LMBR1: variants seen among roughly 807,000 people sequenced by gnomAD.
The protein encoded by LMBR1 is limb development membrane protein 1, also known as limb region 1 protein homolog.
A neutral mutation model predicts 73.9 loss-of-function variants in LMBR1; 52 were observed. That is an observed-to-expected ratio of 0.70 (90% CI 0.56 to 0.89). The LOEUF is 0.89. Among genes scored for constraint, LMBR1 ranks in the 40% least tolerant of loss-of-function variants. LMBR1 has a pLI of 0.00. For synonymous variants in LMBR1, 215 were observed against 209.4 expected, an observed-to-expected ratio of 1.03 and a Z score of -0.23; for missense variants, 539 against 579.8, an observed-to-expected ratio of 0.93 and a Z score of 0.72.
chr7:156,862,448 C>T lies in LMBR1; in HGVS notation c.67-25563G>A, dbSNP rs535668080. On this transcript the variant is annotated intron_variant, in intron 1 of 16. Coordinates refer to ENST00000353442, the MANE Select transcript of LMBR1 (RefSeq NM_022458.4). ...CAGCCAAACGATATTGTGGATCATA[C>T]ACCTAAATGTAAAATATAAAACTAT... Among the ~76,000 whole-genome samples, 4 of 150,360 alleles carry T rather than the reference C, an allele frequency of 2.7e-5. No individual in the cohort carries two copies. The East Asian group carries it at 7.9e-4, about 30-fold the overall frequency.
At chr7:156,746,826 A>C (rs1819943135) in intron 9 of LMBR1, among the ~76,000 whole-genome samples, 1 of 152,200 alleles carries the variant, frequency 6.6e-6, no homozygotes, top group African/African-American at 2.4e-5. Context: ...ATACTGAGGC[A>C]TTATGTGGAT....
chr7:156,677,807 A>C lies in LMBR1; in HGVS notation c.*6271T>G, dbSNP rs1804341268. 1 of 152,260 alleles carries C rather than the reference A, an allele frequency of 6.6e-6. No homozygotes were observed. The highest frequency in any genetic ancestry group is 2.4e-5 in the African/African-American group (1 of 41,472). The allele number at this position is 152,260 out of a possible 1,614,324, so 9.4% of individuals were successfully genotyped here. ...ATGTGCTCATTTTTTAAGGATGTAT[A>C]CTATCAAAAAATTTGCAGACTAATT... On this transcript the variant is annotated 3_prime_UTR_variant, in exon 17 of 17. Transcript: ENST00000353442.
At chr7:156,701,787 C>T (rs1460512796) in intron 15 of LMBR1, among the ~76,000 whole-genome samples, 1 of 152,204 alleles carries the variant, frequency 6.6e-6, no homozygotes, top group East Asian at 1.9e-4. Flanking sequence ...TTCTCTCCCT[C>T]CCCCGACCAA....
At chr7:156,728,315 T>C (rs549609497) in intron 11 of LMBR1, among the ~76,000 whole-genome samples, 43 of 152,322 alleles carry the variant, frequency 2.8e-4, no homozygotes, top group African/African-American at 9.4e-4. Flanking sequence ...TTATCAGAAC[T>C]AACTTCATAA....
intron 15 of LMBR1, among the ~76,000 whole-genome samples, chr7:156,691,572 A>G (rs542615128): frequency 1.4e-4 from 21 of 152,314 alleles, no homozygotes; most frequent in African/African-American, 4.8e-4. Flanking sequence ...TCATCTTCCT[A>G]AAGCAGCAAA....
At position 156,683,117 on chromosome 7, in the gene LMBR1, T is replaced by C. The variant is rs1160339740; in HGVS notation, c.*961A>G. ...ACTGGTAAAAGCTGGAGGCTTCAAA[T>C]GGCATATGCAAATGTAACCAAAGCC... On this transcript the variant is annotated 3_prime_UTR_variant, in exon 17 of 17. Coordinates refer to ENST00000353442, the MANE Select transcript of LMBR1 (RefSeq NM_022458.4). 6.6e-6 allele frequency: 1 copy of C among 152,208 alleles called. No individual in the cohort carries two copies. The highest frequency in any genetic ancestry group is 6.5e-5 in the Admixed American group (1 of 15,280). The allele number at this position is 152,208 out of a possible 1,614,324, so 9.4% of individuals were successfully genotyped here. A position where few individuals can be genotyped will look rare whatever the true frequency, so the allele number is the denominator to read the frequency against.
chr7:156,710,186 T>C (rs891097648), intron 15 of LMBR1, among the ~76,000 whole-genome samples: 5 of 152,042 alleles, frequency 3.3e-5, no homozygotes, highest in African/African-American at 1.2e-4. Flanking sequence ...ATTACAGGCA[T>C]GAGCCACCGT....
chr7:156,738,579 C>T (rs1171237535), intron 9 of LMBR1, among the ~76,000 whole-genome samples: 1 of 152,120 alleles, frequency 6.6e-6, no homozygotes, highest in Non-Finnish European at 1.5e-5. Flanking sequence ...TCCTTCTGCT[C>T]GAAGAGAGGA....
intron 15 of LMBR1, among the ~76,000 whole-genome samples, chr7:156,715,463 C>T (rs964627691): frequency 5.3e-5 from 8 of 152,210 alleles, no homozygotes; most frequent in Admixed American, 4.6e-4. Context: ...CATTTAGTTA[C>T]TCTTTTTTCT....
intron 15 of LMBR1, among the ~76,000 whole-genome samples, chr7:156,712,965 T>C (rs1425055935): frequency 2.0e-5 from 3 of 152,068 alleles, no homozygotes; most frequent in African/African-American, 7.2e-5. Flanking sequence ...CATTACACAA[T>C]CTATGCATGC....
intron 1 of LMBR1, among the ~76,000 whole-genome samples, chr7:156,886,306 G>A (rs951234319): frequency 6.6e-6 from 1 of 152,242 alleles, no homozygotes; most frequent in Non-Finnish European, 1.5e-5. Context: ...GGTTGGCCAA[G>A]TTTATATATT....
chr7:156,777,957 G>A (rs1354703911), intron 5 of LMBR1, among the ~76,000 whole-genome samples: 2 of 152,056 alleles, frequency 1.3e-5, no homozygotes, highest in Admixed American at 1.3e-4. Context: ...AACACCAAGT[G>A]CTTCTGATTC....
chr7:156,730,401 A>G (rs1225475680), intron 10 of LMBR1, among the ~76,000 whole-genome samples: 1 of 152,236 alleles, frequency 6.6e-6, no homozygotes, highest in East Asian at 1.9e-4. Flanking sequence ...TAGGCTTTCA[A>G]TTAGGACCAA....
chr7:156,815,575 C>G (rs1429609304), intron 4 of LMBR1, among the ~76,000 whole-genome samples: 1 of 152,182 alleles, frequency 6.6e-6, no homozygotes. Flanking sequence ...CTGTATCATA[C>G]AGTTTCCCCC....
At chr7:156,765,329 G>C (rs1249093667) in intron 5 of LMBR1, among the ~76,000 whole-genome samples, 1 of 152,138 alleles carries the variant, frequency 6.6e-6, no homozygotes, top group Admixed American at 6.5e-5. Flanking sequence ...GTTCTCATGA[G>C]ATCTGATGGT....
intron 9 of LMBR1, among the ~76,000 whole-genome samples, chr7:156,738,379 G>T (rs1429451991): frequency 6.6e-6 from 1 of 152,136 alleles, no homozygotes; most frequent in Non-Finnish European, 1.5e-5. Flanking sequence ...AGTGCTCTGG[G>T]GTCCTAAGTA....
chr7:156,837,624 A>T (rs1010210821), intron 1 of LMBR1, among the ~76,000 whole-genome samples: 1 of 152,174 alleles, frequency 6.6e-6, no homozygotes, highest in Non-Finnish European at 1.5e-5. Flanking sequence ...TGACAGATAC[A>T]TTAAACATTT....
At chr7:156,850,473 C>A (rs907471105) in intron 1 of LMBR1, among the ~76,000 whole-genome samples, 4 of 152,204 alleles carry the variant, frequency 2.6e-5, no homozygotes, top group Non-Finnish European at 4.4e-5. Flanking sequence ...CTTGTAACCA[C>A]CAATCTACTT....
At chr7:156,874,295 G>A (rs1354642763) in intron 1 of LMBR1, among the ~76,000 whole-genome samples, 4 of 152,328 alleles carry the variant, frequency 2.6e-5, no homozygotes, top group Middle Eastern at 6.8e-3. Flanking sequence ...TGGCTGCTCC[G>A]AGTGCGGGGC....
Sources: allele counts gnomAD v4.1 joint callset (sites outside exome capture counted in the v4.1 genomes callset), GRCh38; gene constraint gnomAD v4.1.1; transcripts MANE v1.5; gene names NCBI Gene and HGNC (gene_info 2026-07-23, HGNC 2026-07-21).